The following KAZN variants were observed in gnomAD, a reference collection of about 807,000 sequenced individuals.
KAZN encodes kazrin.
In KAZN, 40 loss-of-function variants were observed where a neutral mutation model predicts 87.4. That is an observed-to-expected ratio of 0.46 (90% CI 0.36 to 0.60). The LOEUF is 0.60. Among genes scored for constraint, KAZN ranks in the 20% least tolerant of loss-of-function variants. The pLI is 0.00. For synonymous variants in KAZN, 466 were observed against 458.3 expected (o/e 1.02, Z -0.22); for missense variants, 898 against 1,073.9 (o/e 0.84, Z 2.29).
At chr1:15,085,066 A>T (rs1448390342) in intron 8 of KAZN, among the ~76,000 whole-genome samples, 2 of 152,222 alleles carry the variant, frequency 1.3e-5, no homozygotes, top group South Asian at 4.1e-4. Context: ...TATAGCTGAT[A>T]ACATTAAAAA....
chr1:15,087,853 G>A (rs976023996), intron 8 of KAZN, among the ~76,000 whole-genome samples: 2 of 152,358 alleles, frequency 1.3e-5, no homozygotes, highest in South Asian at 2.1e-4. Flanking sequence ...TCAGACACAA[G>A]GCTGAACACT....
At chr1:14,917,049 T>G (rs943196992) in intron 1 of KAZN, among the ~76,000 whole-genome samples, 1 of 152,164 alleles carries the variant, frequency 6.6e-6, no homozygotes, top group Non-Finnish European at 1.5e-5. Flanking sequence ...AAGCTCTGCC[T>G]CTAGGAGAAG....
intron 1 of KAZN, among the ~76,000 whole-genome samples, chr1:14,797,680 G>A (rs1047235241): frequency 1.4e-4 from 21 of 152,066 alleles, no homozygotes; most frequent in African/African-American, 4.6e-4. Context: ...ACAGAGTGTC[G>A]GCCCTGGAGT....
At chr1:14,895,491 T>A (rs970652059) in intron 1 of KAZN, among the ~76,000 whole-genome samples, 2 of 152,098 alleles carry the variant, frequency 1.3e-5, no homozygotes, top group Non-Finnish European at 2.9e-5. Flanking sequence ...AGCCCATCCC[T>A]CAGCAGCCTT....
chr1:14,113,384 T>G (rs1195669811), intron 1 of KAZN, among the ~76,000 whole-genome samples: 1 of 152,078 alleles, frequency 6.6e-6, no homozygotes, highest in Non-Finnish European at 1.5e-5. Context: ...TCAGCTGAGT[T>G]TTCCAAATTC....
intron 1 of KAZN, among the ~76,000 whole-genome samples, chr1:13,995,651 A>C (rs1251896426): frequency 6.6e-6 from 1 of 152,204 alleles, no homozygotes; most frequent in South Asian, 2.1e-4. Flanking sequence ...ATACCTTTTT[A>C]GGTGTAGAAA....
intron 2 of KAZN, among the ~76,000 whole-genome samples, chr1:14,419,560 G>A (rs894882648): frequency 1.3e-5 from 2 of 152,212 alleles, no homozygotes; most frequent in African/African-American, 2.4e-5. Context: ...TGGTCTCACT[G>A]ACTTCAAGAA....
At chr1:14,904,923 G>A (rs1488299957) in intron 1 of KAZN, among the ~76,000 whole-genome samples, 37 of 152,078 alleles carry the variant, frequency 2.4e-4, no homozygotes, top group Non-Finnish European at 1.5e-5. Flanking sequence ...CACCACACCT[G>A]GCTAATTTTT....
intron 1 of KAZN, among the ~76,000 whole-genome samples, chr1:13,975,782 T>C (rs1638325775): frequency 6.6e-6 from 1 of 152,196 alleles, no homozygotes; most frequent in Non-Finnish European, 1.5e-5. Context: ...CCTGGCACAT[T>C]GATGGGGTCA....
Position 14,282,563 on chromosome 1 carries a change from G to A in KAZN, c.249+101971G>A, listed in dbSNP as rs79921868. 3.0e-3 allele frequency among the ~76,000 whole-genome samples: 458 copies of A among 152,246 alleles called. 2 individuals carry two copies. The highest frequency in any genetic ancestry group is 5.6e-3 in the Non-Finnish European group (379 of 68,014). On this transcript the variant is annotated intron_variant, in intron 2 of 16. Coordinates refer to the KAZN transcript ENST00000636203. ...CTCTAATTCTTTCCAAGACATTGAT[G>A]CCCCCCTTAGCCAACACAAAGAAGC...
At chr1:14,889,958 T>C (rs1340543877) in intron 1 of KAZN, among the ~76,000 whole-genome samples, 3 of 152,208 alleles carry the variant, frequency 2.0e-5, no homozygotes, top group African/African-American at 7.2e-5. Context: ...TGAAAAGAAG[T>C]ACCTCGTACG....
At position 15,077,894 on chromosome 1, in the gene KAZN, G is replaced by A. The variant is rs977141831; in HGVS notation, c.1222+12141G>A. Among the ~76,000 whole-genome samples, 3 of 152,206 alleles carry A rather than the reference G, an allele frequency of 2.0e-5. No individual in the cohort carries two copies. Among genetic ancestry groups the A allele is most frequent in the Non-Finnish European group, 4.4e-5 (3 of 68,044 alleles). On this transcript the variant is annotated intron_variant, in intron 8 of 14. Coordinates refer to ENST00000376030, the MANE Select transcript of KAZN (RefSeq NM_201628.3). The surrounding 1 kb of genome is among the most constrained non-coding windows in gnomAD (Gnocchi z 4.8). ...AATATGACTTGCTGACATTTACTAA[G>A]TGCCTACTGTGCCAGGCATGGGGTA...
intron 2 of KAZN, among the ~76,000 whole-genome samples, chr1:15,001,418 A>G (rs962267931): frequency 6.6e-6 from 1 of 151,594 alleles, no homozygotes; most frequent in African/African-American, 2.4e-5. Context: ...GTGAGCCCAG[A>G]TTGCACCACT....
chr1:14,942,127 C>A (rs919709568), intron 1 of KAZN, among the ~76,000 whole-genome samples: 2 of 152,148 alleles, frequency 1.3e-5, no homozygotes, highest in African/African-American at 4.8e-5. Flanking sequence ...TTCACCCAAG[C>A]GTGGAGGCAG....
chr1:14,117,317 C>T (rs1435737230), intron 1 of KAZN, among the ~76,000 whole-genome samples: 1 of 152,058 alleles, frequency 6.6e-6, no homozygotes, highest in Non-Finnish European at 1.5e-5. Context: ...CTTTCCCGTG[C>T]TCTTCTTGTG....
chr1:14,610,878 T>C (rs1352863479), intron 1 of KAZN, among the ~76,000 whole-genome samples: 1 of 152,172 alleles, frequency 6.6e-6, no homozygotes, highest in Non-Finnish European at 1.5e-5. Flanking sequence ...TTAGAAGCTC[T>C]TTTATTCGGG....
At chr1:14,657,228 C>T (rs1221181946) in intron 1 of KAZN, among the ~76,000 whole-genome samples, 1 of 152,120 alleles carries the variant, frequency 6.6e-6, no homozygotes, top group Non-Finnish European at 1.5e-5. Context: ...GGATTACAGA[C>T]ATGTGCCACC....
chr1:14,497,066 C>T (rs866052790), intron 2 of KAZN, among the ~76,000 whole-genome samples: 48 of 152,076 alleles, frequency 3.2e-4, no homozygotes, highest in African/African-American at 1.2e-3. Context: ...ATTCAATCTA[C>T]TGGTATTGAA....
At chr1:14,930,657 C>G (rs552738044) in intron 1 of KAZN, among the ~76,000 whole-genome samples, 1 of 152,334 alleles carries the variant, frequency 6.6e-6, no homozygotes, top group African/African-American at 2.4e-5. Context: ...GAGGTTACAC[C>G]GGCTGTGGAA....
Sources: gnomAD v4.1 joint callset for allele counts (sites outside exome capture counted in the v4.1 genomes callset) on GRCh38, gnomAD v4.1.1 for gene constraint, Gnocchi (gnomAD v3.1) non-coding constraint, MANE v1.5 for transcripts, NCBI Gene and HGNC (gene_info 2026-07-23, HGNC 2026-07-21) for gene names.